Variants in TRHDE observed in about 807,000 individuals in gnomAD.
TRHDE encodes the protein thyrotropin releasing hormone degrading enzyme.
In TRHDE, 72 loss-of-function variants were observed where a neutral mutation model predicts 125.7. That is an observed-to-expected ratio of 0.57 (90% CI 0.47 to 0.70). The LOEUF is 0.70. TRHDE is among the 30% of genes least tolerant of loss of function. The probability of loss-of-function intolerance (pLI) is 0.00; values close to 1 mark genes in which losing one functional copy is unlikely to be tolerated. For synonymous variants in TRHDE, 509 were observed against 509.1 expected, an observed-to-expected ratio of 1.00 and a Z score of 0.00; for missense variants, 1,110 against 1,327.1, an observed-to-expected ratio of 0.84 and a Z score of 2.54.
intron 5 of TRHDE, among the ~76,000 whole-genome samples, chr12:72,490,992 C>CAAAAAAAAA (rs71438815): frequency 8.4e-6 from 1 of 119,356 alleles, no homozygotes; most frequent in Non-Finnish European, 1.9e-5. Context: ...GCCACAAAAC[C>CAAAAAAAAA]AAAAAAAAAA....
chr12:72,308,237 T>C (rs887669275), intron 2 of TRHDE, among the ~76,000 whole-genome samples: 2 of 152,028 alleles, frequency 1.3e-5, no homozygotes, highest in African/African-American at 4.8e-5. Context: ...TGGTACTTCG[T>C]GTGCATGTGT....
At chr12:72,171,051 C>T (rs1876862121) in intron 2 of TRHDE, among the ~76,000 whole-genome samples, 1 of 152,158 alleles carries the variant, frequency 6.6e-6, no homozygotes, top group Non-Finnish European at 1.5e-5. Context: ...TCTATCATAA[C>T]AGTGGCCACG....
intron 12 of TRHDE, among the ~76,000 whole-genome samples, chr12:72,596,135 T>TAAGA (rs1169634425): frequency 6.6e-6 from 1 of 152,160 alleles, no homozygotes; most frequent in Non-Finnish European, 1.5e-5. Context: ...TTCCCTTTGG[T>TAAGA]AAGAAATATC....
intron 2 of TRHDE, among the ~76,000 whole-genome samples, chr12:72,127,175 A>G (rs188527514): frequency 6.6e-6 from 1 of 152,316 alleles, no homozygotes; most frequent in East Asian, 1.9e-4. Context: ...GGCTATTATC[A>G]AAACGTTAAA....
At chr12:72,497,426 T>C (rs1419116068) in intron 5 of TRHDE, among the ~76,000 whole-genome samples, 1 of 152,180 alleles carries the variant, frequency 6.6e-6, no homozygotes, top group Non-Finnish European at 1.5e-5. Context: ...TGTTATCAAA[T>C]ATTAAAATTA....
intron 7 of TRHDE, among the ~76,000 whole-genome samples, chr12:72,549,220 A>T (rs1869559827): frequency 6.6e-6 from 1 of 151,858 alleles, no homozygotes; most frequent in African/African-American, 2.4e-5. Flanking sequence ...TATTAGTAGC[A>T]ACAACATACT....
chr12:72,299,359 T>C (rs1880420359), intron 2 of TRHDE, among the ~76,000 whole-genome samples: 1 of 152,214 alleles, frequency 6.6e-6, no homozygotes, highest in Non-Finnish European at 1.5e-5. Flanking sequence ...TCAGACCAGA[T>C]GGCAAGATTA....
rs1194445258 is a variant in TRHDE, at chr12:72,207,829, AT to A, written n.279+102083del. Among the ~76,000 whole-genome samples the A allele has an allele frequency of 2.0e-5, 3 of 152,166 alleles. No homozygotes were observed. The East Asian group carries it at 5.8e-4, about 29-fold the overall frequency. On this transcript the variant is annotated intron_variant and non_coding_transcript_variant, in intron 2 of 4. Transcript: ENST00000548156. ...TTTTCTGTACAACTGTGGGACATCA[AT>A]TTTTTCCTTCTCCCATTTTAAATCT...
chr12:72,324,771 G>A (rs185019921), intron 2 of TRHDE, among the ~76,000 whole-genome samples: 3 of 152,254 alleles, frequency 2.0e-5, no homozygotes, highest in Admixed American at 2.0e-4. Flanking sequence ...AATCTTTGCA[G>A]ACCTTCATTT....
intron 7 of TRHDE, among the ~76,000 whole-genome samples, chr12:72,559,749 A>T (rs1236086470): frequency 6.6e-6 from 1 of 152,214 alleles, no homozygotes; most frequent in Non-Finnish European, 1.5e-5. Flanking sequence ...ATCTCTAAGG[A>T]CTTTCATATT....
At chr12:72,495,032 C>T (rs1277510922) in intron 5 of TRHDE, among the ~76,000 whole-genome samples, 1 of 126,628 alleles carries the variant, frequency 7.9e-6, no homozygotes, top group African/African-American at 3.1e-5. Context: ...TTTTCTACTT[C>T]TCCATTTCTG....
intron 6 of TRHDE, among the ~76,000 whole-genome samples, chr12:72,523,521 A>G (rs1281952984): frequency 6.6e-6 from 1 of 152,160 alleles, no homozygotes; most frequent in Non-Finnish European, 1.5e-5. Flanking sequence ...TTACATACAT[A>G]TCTTGAGAAA....
intron 2 of TRHDE, among the ~76,000 whole-genome samples, chr12:72,361,013 T>TTG (rs1205190094): frequency 6.6e-6 from 1 of 151,688 alleles, no homozygotes; most frequent in African/African-American, 2.4e-5. Flanking sequence ...CCAGTGTGTA[T>TTG]TGTTCCCTCC....
At chr12:72,442,699 C>T (rs1296144087) in intron 3 of TRHDE, among the ~76,000 whole-genome samples, 1 of 151,682 alleles carries the variant, frequency 6.6e-6, no homozygotes, top group African/African-American at 2.4e-5. Flanking sequence ...TATTTTGCAC[C>T]CTGAACAGTC....
intron 2 of TRHDE, among the ~76,000 whole-genome samples, chr12:72,238,317 T>TAC (rs1348844412): frequency 2.9e-4 from 9 of 31,540 alleles, no homozygotes; most frequent in East Asian, 5.4e-4. Flanking sequence ...TATATATATA[T>TAC]ATATACATAT....
At chr12:72,149,394 C>G (rs1274094035) in intron 2 of TRHDE, among the ~76,000 whole-genome samples, 2 of 152,036 alleles carry the variant, frequency 1.3e-5, no homozygotes, top group African/African-American at 4.8e-5. Context: ...AGGAATAAGC[C>G]ACTGTACATG....
At chr12:72,491,214 G>C (rs1877664604) in intron 5 of TRHDE, among the ~76,000 whole-genome samples, 1 of 151,838 alleles carries the variant, frequency 6.6e-6, no homozygotes, top group Non-Finnish European at 1.5e-5. Flanking sequence ...TATTTTTAAA[G>C]GGTTATATGA....
At chr12:72,372,190 C>G (rs1006607495) in intron 2 of TRHDE, among the ~76,000 whole-genome samples, 2 of 152,070 alleles carry the variant, frequency 1.3e-5, no homozygotes. Context: ...TAAATGTCTT[C>G]TTTTGAGAAG....
At position 72,321,952 on chromosome 12, in the gene TRHDE, T is replaced by C. The variant is rs542459459; in HGVS notation, c.1188+34998T>C. 4.6e-5 allele frequency among the ~76,000 whole-genome samples: 7 copies of C among 152,212 alleles called. No homozygotes were observed. The South Asian group carries it at 1.5e-3, about 32-fold the overall frequency. On this transcript the variant is annotated intron_variant, in intron 2 of 18. Transcript: ENST00000261180. ...ATCAAAGGAACTGTTGACTGCTTAT[T>C]ATGGTAGTTCTTATGCATAGGAGAT...
Sources: gnomAD v4.1 joint callset for allele counts (sites outside exome capture counted in the v4.1 genomes callset) on GRCh38, gnomAD v4.1.1 for gene constraint, MANE v1.5 for transcripts, NCBI Gene and HGNC (gene_info 2026-07-23, HGNC 2026-07-21) for gene names.